KIF6: variants seen among roughly 807,000 people sequenced by gnomAD.
KIF6 encodes kinesin-like protein KIF6.
KIF6 carries 106 observed loss-of-function variants against 112.7 expected under a neutral mutation model. The observed-to-expected ratio is 0.94, with a 90% CI of 0.80 to 1.11. The LOEUF (loss-of-function observed/expected upper bound fraction) is 1.11, where lower values mean the gene tolerates loss of function less well. Ranked by LOEUF, KIF6 falls within the 50% of genes least tolerant of loss-of-function variation. The probability of loss-of-function intolerance (pLI) is 0.00; values close to 1 mark genes in which losing one functional copy is unlikely to be tolerated. For missense variants in KIF6, 929 were observed against 964.0 expected (o/e 0.96, Z 0.48); for synonymous variants, 339 against 339.9 (o/e 1.00, Z 0.03).
At chr6:39,353,890 A>G in intron 19 of KIF6, 1 of 569,602 alleles carries the variant, frequency 1.8e-6, no homozygotes, top group Non-Finnish European at 3.1e-6. Flanking sequence ...GCCAGTTCCT[A>G]CTGCTAAGTG....
rs1156671627 is a variant in KIF6 at position 39,346,531 on chromosome 6, G to GA, written c.2181-6dup. 2.8e-6 allele frequency: 2 copies of GA among 708,322 alleles called. No individual in the cohort carries two copies. The allele number at this position is 708,322 out of a possible 1,614,324, so 43.9% of individuals were successfully genotyped here. ...TGGACTTCCCAGCCTCCAGAACTGT[G>GA]AAAAATAAACGTTTGTTGTTTGAGC... is the stretch of plus-strand genomic sequence containing the variant. On this transcript the variant is annotated splice_region_variant and splice_polypyrimidine_tract_variant and intron_variant, in intron 19 of 22. Coordinates refer to ENST00000287152, the MANE Select transcript of KIF6 (RefSeq NM_145027.6).
intron 16 of KIF6, among the ~76,000 whole-genome samples, chr6:39,364,153 G>A (rs1437090120): frequency 2.6e-5 from 4 of 151,254 alleles, no homozygotes; most frequent in East Asian, 1.9e-4. Context: ...GTGCAGCAGC[G>A]CGATCTCCAC....
At position 39,578,073 on chromosome 6, in the gene KIF6, T is replaced by C; in HGVS notation, c.1164A>G (p.Thr388=). ...AGACTTACTGAAGGAGCTCTGCTTC[T>C]GTGAGTGCCTCTGTCCTCTGCTCCC... The part of the protein sequence containing the change: ...VTGEQRTEAL[T]EAELLQLEKL... The change falls in exon 10 of 23, where the codon ACA becomes ACG. Residue 388 remains threonine (T), a synonymous_variant. Transcript: ENST00000287152. 1 of 1,613,340 alleles carries C rather than the reference T, an allele frequency of 6.2e-7. No homozygotes were observed. Among genetic ancestry groups the C allele is most frequent in the Non-Finnish European group, 8.5e-7 (1 of 1,179,338 alleles).
At chr6:39,377,631 G>C (rs1343552502) in intron 16 of KIF6, among the ~76,000 whole-genome samples, 1 of 152,190 alleles carries the variant, frequency 6.6e-6, no homozygotes, top group Non-Finnish European at 1.5e-5. Flanking sequence ...GAACAACAGG[G>C]ATGCCACAAG....
chr6:39,692,168 G>C (rs1788251529), intron 3 of KIF6, among the ~76,000 whole-genome samples: 1 of 152,030 alleles, frequency 6.6e-6, no homozygotes, highest in African/African-American at 2.4e-5. Flanking sequence ...CAAAAACATA[G>C]ATTCTTCAGC....
intron 15 of KIF6, among the ~76,000 whole-genome samples, chr6:39,408,211 G>A (rs1769221579): frequency 6.6e-6 from 1 of 152,170 alleles, no homozygotes; most frequent in Admixed American, 6.5e-5. Flanking sequence ...AAACTAAAAT[G>A]GCTGATATGA....
chr6:39,724,742 C>T (rs1790435485), intron 1 of KIF6, among the ~76,000 whole-genome samples: 2 of 152,182 alleles, frequency 1.3e-5, no homozygotes, highest in Non-Finnish European at 2.9e-5. Context: ...CAAAGTACTA[C>T]ATATGTGTAT....
At chr6:39,566,961 CA>C (rs575893930) in intron 10 of KIF6, among the ~76,000 whole-genome samples, 1 of 151,544 alleles carries the variant, frequency 6.6e-6, no homozygotes, top group African/African-American at 2.4e-5. Context: ...TAAAAATAAC[CA>C]AAAAAAATCA....
At chr6:39,686,916 A>G (rs2113790437) in intron 3 of KIF6, among the ~76,000 whole-genome samples, 1 of 152,342 alleles carries the variant, frequency 6.6e-6, no homozygotes, top group Admixed American at 6.5e-5. Flanking sequence ...AATGATCCAA[A>G]GATCCCAAAA....
intron 13 of KIF6, among the ~76,000 whole-genome samples, chr6:39,535,518 C>G (rs2150552848): frequency 1.3e-5 from 2 of 152,242 alleles, no homozygotes; most frequent in Admixed American, 1.3e-4. Context: ...GCTAACTATC[C>G]TAAATATATA....
chr6:39,665,804 A>G (rs1386650086), intron 3 of KIF6, among the ~76,000 whole-genome samples: 2 of 152,000 alleles, frequency 1.3e-5, no homozygotes, highest in African/African-American at 4.8e-5. Flanking sequence ...AAATCCTTCT[A>G]TTATTTGGCA....
At chr6:39,647,707 T>C (rs989158514) in intron 3 of KIF6, among the ~76,000 whole-genome samples, 1 of 94,522 alleles carries the variant, frequency 1.1e-5, no homozygotes, top group Non-Finnish European at 2.2e-5. Flanking sequence ...AAGGCCCTGA[T>C]TTTTTTTTTT....
intron 13 of KIF6, among the ~76,000 whole-genome samples, chr6:39,538,988 G>A (rs1198318657): frequency 6.7e-6 from 1 of 148,294 alleles, no homozygotes; most frequent in Non-Finnish European, 1.5e-5. Flanking sequence ...AACACTGCAT[G>A]TTCTCACTCA....
In KIF6 at chr6:39,408,095, G is replaced by A. The variant is rs150812380; in HGVS notation, c.1810+11853C>T. On this transcript the variant is annotated intron_variant, in intron 15 of 22. Coordinates refer to ENST00000287152, the MANE Select transcript of KIF6 (RefSeq NM_145027.6). ...GAAAGAGAAATTCAACTAACCAATGGGCAGAGAATATGAGATACATGAAAA... is the reference window on the plus strand; with the variant it reads ...GAAAGAGAAATTCAACTAACCAATGAGCAGAGAATATGAGATACATGAAAA... Among the ~76,000 whole-genome samples, 429 of 152,186 alleles carry A rather than the reference G, an allele frequency of 2.8e-3. 4 individuals are homozygous for A. Among genetic ancestry groups the A allele is most frequent in the African/African-American group, 7.8e-3 (323 of 41,516 alleles).
rs1223509969 is a variant in KIF6 at position 39,517,555 on chromosome 6, TA to T, written c.1645+22447del. 3.3e-5 allele frequency among the ~76,000 whole-genome samples: 5 copies of T among 152,288 alleles called. No individual in the cohort carries two copies. In the East Asian group the frequency reaches 9.6e-4, roughly 29 times the overall value. On this transcript the variant is annotated intron_variant, in intron 13 of 22. Transcript: ENST00000287152. ...GTGTCAATCTTCCATAAAACAAAAC[TA>T]TTCCACAAAAATGGTTAATTGAACA...
chr6:39,545,723 G>A, intron 10 of KIF6, 35 bp from the exon 11 acceptor site: 2 of 1,354,352 alleles, frequency 1.5e-6, no homozygotes, highest in Non-Finnish European at 2.1e-6. Context: ...GCAACTGTGA[G>A]CTAGAAGCTT....
chr6:39,533,731 A>G (rs1778224724), intron 13 of KIF6, among the ~76,000 whole-genome samples: 1 of 152,248 alleles, frequency 6.6e-6, no homozygotes, highest in African/African-American at 2.4e-5. Flanking sequence ...ACAAAGCTGG[A>G]GATCTGAGAA....
At chr6:39,663,467 T>A (rs1424665756) in intron 3 of KIF6, among the ~76,000 whole-genome samples, 1 of 152,142 alleles carries the variant, frequency 6.6e-6, no homozygotes, top group Non-Finnish European at 1.5e-5. Flanking sequence ...TGGGACCATG[T>A]GCTACTGAAA....
intron 3 of KIF6, among the ~76,000 whole-genome samples, chr6:39,708,413 T>G (rs1789338888): frequency 6.6e-6 from 1 of 152,184 alleles, no homozygotes; most frequent in African/African-American, 2.4e-5. Flanking sequence ...AAATCAAAGG[T>G]TAACCAGTGG....
Sources: gnomAD v4.1 joint callset for allele counts (sites outside exome capture counted in the v4.1 genomes callset) on GRCh38, gnomAD v4.1.1 for gene constraint, MANE v1.5 for transcripts, NCBI Gene and HGNC (gene_info 2026-07-23, HGNC 2026-07-21) for gene names.